AFG3L2: variants seen among roughly 807,000 people sequenced by gnomAD.
AFG3L2 encodes mitochondrial inner membrane m-AAA protease component AFG3L2.
AFG3L2 carries 54 observed loss-of-function variants against 94.5 expected under a neutral mutation model. The ratio of observed to expected loss-of-function variants is 0.57; its 90% confidence interval spans 0.46 to 0.72. AFG3L2 has a LOEUF of 0.72. Ranked by LOEUF, AFG3L2 falls within the 30% of genes least tolerant of loss-of-function variation. The pLI, the probability that AFG3L2 is intolerant of heterozygous loss-of-function variation, is 0.00. For synonymous variants in AFG3L2, 377 were observed against 365.5 expected, an observed-to-expected ratio of 1.03 and a Z score of -0.36; for missense variants, 754 against 994.9, an observed-to-expected ratio of 0.76 and a Z score of 3.26.
intron 12 of AFG3L2, among the ~76,000 whole-genome samples, chr18:12,349,145 T>A (rs894452770): frequency 1.3e-5 from 2 of 152,204 alleles, no homozygotes; most frequent in African/African-American, 4.8e-5. Flanking sequence ...AAAAAATTAT[T>A]GGAATAAGCA....
chr18:12,339,826 G>T (rs1598822593), intron 15 of AFG3L2, among the ~76,000 whole-genome samples: 1 of 148,992 alleles, frequency 6.7e-6, no homozygotes. Flanking sequence ...TCCAGCCTGG[G>T]CAAGAGTGCG....
chr18:12,372,325 T>C (rs929980042), intron 1 of AFG3L2, among the ~76,000 whole-genome samples: 5 of 152,062 alleles, frequency 3.3e-5, no homozygotes, highest in Non-Finnish European at 5.9e-5. Context: ...AATAAAATAA[T>C]AGTTATAAAA....
intron 16 of AFG3L2, among the ~76,000 whole-genome samples, chr18:12,336,057 C>T (rs9945545): frequency 0.96 from 145,437 of 152,230 alleles, 69,755 homozygotes; most frequent in Non-Finnish European, 1. Context: ...CACTTGTTCC[C>T]GGGTGTGGGC....
intron 10 of AFG3L2, 112 bp downstream of exon 10, chr18:12,352,893 T>G (rs1908362774): frequency 1.4e-6 from 2 of 1,452,562 alleles, no homozygotes; most frequent in South Asian, 1.1e-5. Context: ...GGTCAGAGGA[T>G]GCAGTGAGCC....
chr18:12,358,876 C>G lies in AFG3L2; in HGVS notation c.820G>C (p.Gly274Arg). 1 of 1,614,232 alleles carries G rather than the reference C, an allele frequency of 6.2e-7. No homozygotes were observed. ...CCTGTCCGGCCAATGCCAGCAGGCC[C>G]TCTTCTGATGGTGTAGAGCAAGAAG... ...IAFLLYTIRR[G>R]PAGIGRTGRG... Residue 274 changes from glycine to arginine, a missense_variant, in exon 8 of 17, where the codon GGG (glycine) becomes CGG (arginine). By Grantham distance (125) the Gly-to-Arg change is moderately radical (BLOSUM62 -2). Around this residue, in one of 4 missense-constraint regions of AFG3L2, gnomAD observed 130 missense variants for 175.1 expected, o/e 0.74. Coordinates refer to ENST00000269143, the MANE Select transcript of AFG3L2 (RefSeq NM_006796.3).
chr18:12,365,757 C>T (rs564949654), intron 5 of AFG3L2, among the ~76,000 whole-genome samples: 1 of 152,010 alleles, frequency 6.6e-6, no homozygotes, highest in Non-Finnish European at 1.5e-5. Context: ...GTATTCATGT[C>T]GTCTTACTTT....
chr18:12,367,833 C>T (rs1227560697), intron 3 of AFG3L2, among the ~76,000 whole-genome samples: 1 of 152,142 alleles, frequency 6.6e-6, no homozygotes, highest in African/African-American at 2.4e-5. Context: ...AGGAGAATCC[C>T]TTGAGCCCAG....
rs757837635 is a variant in AFG3L2 at position 12,353,122 on chromosome 18, G to C, written c.1201C>G (p.Pro401Ala). The C allele has an allele frequency of 4.3e-6, 7 of 1,614,018 alleles. No individual in the cohort carries two copies. Residue 401 changes from proline (P) to alanine (A), a missense_variant, in exon 10 of 17, where the codon CCT becomes GCT. This residue lies in a region of AFG3L2 where 109 missense variants were observed against 227.1 expected (regional missense o/e 0.48). Transcript: ENST00000269143. ...DLFALARKNA[P>A]CILFIDEIDA... ...ATTTCATCGATGAAGAGGATGCAAG[G>C]GGCATTCTTCCGAGCAAGGGCAAAT...
chr18:12,340,146 T>C (rs1907900583), intron 15 of AFG3L2, 55 bp downstream of exon 15: 13 of 1,500,880 alleles, frequency 8.7e-6, no homozygotes, highest in African/African-American at 1.4e-5. Context: ...AGAATGTCAA[T>C]TTCTCGTGCA....
chr18:12,337,260 C>A (rs1598820655), intron 16 of AFG3L2, 81 bp downstream of exon 16: 1 of 1,308,652 alleles, frequency 7.6e-7, no homozygotes, highest in South Asian at 1.2e-5. Flanking sequence ...GCAGTCTACA[C>A]ACCAACCAAA....
chr18:12,375,388 C>T (rs1598842175), intron 1 of AFG3L2, among the ~76,000 whole-genome samples: 1 of 139,178 alleles, frequency 7.2e-6, no homozygotes, highest in Admixed American at 7.5e-5. Context: ...GGACTATAGT[C>T]ATAAGTCACT....
chr18:12,359,237 C>G (rs1181103508), intron 7 of AFG3L2, among the ~76,000 whole-genome samples: 1 of 152,082 alleles, frequency 6.6e-6, no homozygotes, highest in African/African-American at 2.4e-5. Flanking sequence ...AGAGAAGAAT[C>G]ACCTAAAAAT....
At position 12,341,224 on chromosome 18, in the gene AFG3L2, TTCCTTTCCAG is replaced by T. The variant is rs1361177918; in HGVS notation, c.1780-833_1780-824del. 12 of 152,344 alleles carry T rather than the reference TTCCTTTCCAG, an allele frequency of 7.9e-5. No individual in the cohort carries two copies. The East Asian group carries it at 2.3e-3, about 29-fold the overall frequency. 9.4% of individuals were successfully genotyped at this position (152,344 alleles called of 1,614,324 possible). On this transcript the variant is annotated intron_variant, in intron 14 of 16. Transcript: ENST00000269143. ...AGCAGGCCAAGATGCTCGGCAGCCTTTCCTTTCCAGTCCTCTTTTGCAATTAAGTAAATTC... is the reference window on the plus strand; with the variant it reads ...AGCAGGCCAAGATGCTCGGCAGCCTTTCCTCTTTTGCAATTAAGTAAATTC...
intron 8 of AFG3L2, among the ~76,000 whole-genome samples, 197 bp from the exon 9 acceptor site, chr18:12,357,028 A>G (rs1908517975): frequency 6.6e-6 from 1 of 152,224 alleles, no homozygotes; most frequent in Non-Finnish European, 1.5e-5. Flanking sequence ...ATTTTGTTTC[A>G]AAAAATTTGG....
intron 9 of AFG3L2, among the ~76,000 whole-genome samples, 188 bp downstream of exon 9, chr18:12,356,506 C>T (rs1452993337): frequency 2.0e-5 from 3 of 152,066 alleles, no homozygotes; most frequent in South Asian, 2.1e-4. Context: ...CTAGCTGGTG[C>T]GAGGGAAGGT....
At position 12,348,374 on chromosome 18, in the gene AFG3L2, A is replaced by G. The variant is rs1438560243; in HGVS notation, c.1562T>C (p.Val521Ala). 6.2e-7 allele frequency: 1 copy of G among 1,614,094 alleles called. No individual in the cohort carries two copies. Among genetic ancestry groups the G allele is most frequent in the Non-Finnish European group, 8.5e-7 (1 of 1,179,928 alleles). ...CGCAGCTTCATTACAGACATTAGCA[A>G]CATCAGCACCTAAAAAATGAACACA... Reference protein sequence around the residue: ...SLTPGFSGADVANVCNEAALI... With the variant: ...SLTPGFSGADAANVCNEAALI... Residue 521 changes from valine to alanine, a missense_variant, in exon 13 of 17, where the codon GTT becomes GCT. Coordinates refer to ENST00000269143, the MANE Select transcript of AFG3L2 (RefSeq NM_006796.3).
chr18:12,333,518 C>G (rs1239927075), intron 16 of AFG3L2, among the ~76,000 whole-genome samples: 1 of 150,734 alleles, frequency 6.6e-6, no homozygotes, highest in Non-Finnish European at 1.5e-5. Flanking sequence ...TGCACACCAC[C>G]ATGCCGGGCT....
At chr18:12,376,549 G>C (rs1038090592) in intron 1 of AFG3L2, among the ~76,000 whole-genome samples, 1 of 152,196 alleles carries the variant, frequency 6.6e-6, no homozygotes, top group African/African-American at 2.4e-5. Flanking sequence ...ACGGGAACAC[G>C]GAGACTCGGA....
At chr18:12,376,473 G>T (rs1441656817) in intron 1 of AFG3L2, among the ~76,000 whole-genome samples, 1 of 152,182 alleles carries the variant, frequency 6.6e-6, no homozygotes, top group Non-Finnish European at 1.5e-5. Context: ...ATGAAAAGGT[G>T]ACATTCTTAA....
Sources: gnomAD v4.1 joint callset for allele counts (sites outside exome capture counted in the v4.1 genomes callset) on GRCh38, gnomAD v4.1.1 for gene constraint, gnomAD v4.1.1 regional missense constraint, MANE v1.5 for transcripts, NCBI Gene and HGNC (gene_info 2026-07-23, HGNC 2026-07-21) for gene names.